Variants in ITFG1 observed in about 807,000 individuals in gnomAD.
The protein encoded by ITFG1 is T-cell immunomodulatory protein.
ITFG1 carries 34 observed loss-of-function variants against 81.8 expected under a neutral mutation model. The observed-to-expected ratio is 0.42, with a 90% CI of 0.32 to 0.55. ITFG1 has a LOEUF of 0.55. Ranked by LOEUF, ITFG1 falls within the 20% of genes least tolerant of loss-of-function variation. The pLI is 0.17. For synonymous variants in ITFG1, 285 were observed against 270.6 expected (o/e 1.05, Z -0.52); for missense variants, 672 against 755.4 (o/e 0.89, Z 1.29).
At chr16:47,367,158 A>G (rs1452903894) in intron 7 of ITFG1, among the ~76,000 whole-genome samples, 2 of 152,222 alleles carry the variant, frequency 1.3e-5, no homozygotes, top group Non-Finnish European at 2.9e-5. Flanking sequence ...AAGGATACAG[A>G]TGAAGAGATG....
intron 7 of ITFG1, 44 bp from the exon 8 acceptor site, chr16:47,365,913 T>C: frequency 9.8e-7 from 1 of 1,021,848 alleles, no homozygotes; most frequent in Non-Finnish European, 1.5e-6. Context: ...CTTAATCCAC[T>C]CATTTGTTAA....
At chr16:47,287,045 A>G (rs1208169781) in intron 10 of ITFG1, among the ~76,000 whole-genome samples, 2 of 152,218 alleles carry the variant, frequency 1.3e-5, no homozygotes, top group African/African-American at 2.4e-5. Flanking sequence ...AGCAAGACCT[A>G]CATCAATTGC....
chr16:47,281,499 T>C (rs1236799121), intron 10 of ITFG1, among the ~76,000 whole-genome samples: 1 of 152,190 alleles, frequency 6.6e-6, no homozygotes, highest in East Asian at 1.9e-4. Flanking sequence ...AGTGAAACTA[T>C]CTGGGCCTGG....
chr16:47,300,270 G>A (rs1967055215), intron 10 of ITFG1, among the ~76,000 whole-genome samples: 1 of 152,118 alleles, frequency 6.6e-6, no homozygotes, highest in Non-Finnish European at 1.5e-5. Context: ...ACTTCCTCAT[G>A]TTCCTTCTTG....
intron 10 of ITFG1, among the ~76,000 whole-genome samples, chr16:47,272,823 A>G (rs893593498): frequency 6.6e-6 from 1 of 151,554 alleles, no homozygotes; most frequent in African/African-American, 2.4e-5. Context: ...TATTTAAAAA[A>G]CCCATGGTAA....
chr16:47,227,432 T>G (rs1965769899), intron 13 of ITFG1, among the ~76,000 whole-genome samples: 1 of 152,162 alleles, frequency 6.6e-6, no homozygotes, highest in South Asian at 2.1e-4. Flanking sequence ...GTTCAATTTT[T>G]CATACTATCA....
intron 5 of ITFG1, among the ~76,000 whole-genome samples, chr16:47,434,223 A>G (rs1969133688): frequency 2.0e-5 from 3 of 152,040 alleles, no homozygotes; most frequent in African/African-American, 4.8e-5. Flanking sequence ...TAATTAAACT[A>G]AAGAGTTTCT....
At chr16:47,279,939 G>C (rs1234194500) in intron 10 of ITFG1, among the ~76,000 whole-genome samples, 1 of 152,086 alleles carries the variant, frequency 6.6e-6, no homozygotes, top group African/African-American at 2.4e-5. Context: ...ATAGAAATAA[G>C]AGTGATTCTT....
intron 12 of ITFG1, among the ~76,000 whole-genome samples, chr16:47,244,834 C>T (rs1311544741): frequency 6.6e-6 from 1 of 152,034 alleles, no homozygotes; most frequent in Non-Finnish European, 1.5e-5. Context: ...CTTCTCTCTA[C>T]ATGCACATGA....
At chr16:47,156,779 C>T (rs753878457) in intron 17 of ITFG1, among the ~76,000 whole-genome samples, 13 of 151,996 alleles carry the variant, frequency 8.6e-5, no homozygotes, top group Non-Finnish European at 1.3e-4. Flanking sequence ...GGAAGGAGCA[C>T]GGATATGTGA....
intron 12 of ITFG1, among the ~76,000 whole-genome samples, chr16:47,240,820 G>A (rs1965924423): frequency 6.6e-6 from 1 of 152,132 alleles, no homozygotes; most frequent in Non-Finnish European, 1.5e-5. Context: ...CATTTAATGA[G>A]TTATCTAAAG....
chr16:47,180,832 G>T (rs1965100400), intron 14 of ITFG1, among the ~76,000 whole-genome samples: 1 of 151,772 alleles, frequency 6.6e-6, no homozygotes, highest in Non-Finnish European at 1.5e-5. Flanking sequence ...GAGCGTCTCT[G>T]CCTGGCCGCC....
intron 10 of ITFG1, among the ~76,000 whole-genome samples, chr16:47,279,099 C>G (rs530549561): frequency 6.6e-6 from 1 of 152,100 alleles, no homozygotes; most frequent in Non-Finnish European, 1.5e-5. Context: ...TTTTCATCCT[C>G]TTTGCAATGT....
At chr16:47,234,837 C>T (rs1433709737) in intron 13 of ITFG1, among the ~76,000 whole-genome samples, 2 of 152,124 alleles carry the variant, frequency 1.3e-5, no homozygotes, top group Non-Finnish European at 2.9e-5. Context: ...TGGGAGGGAC[C>T]TGGTGGAAGG....
intron 14 of ITFG1, among the ~76,000 whole-genome samples, chr16:47,197,660 T>G (rs892849416): frequency 6.6e-6 from 1 of 152,232 alleles, no homozygotes; most frequent in Non-Finnish European, 1.5e-5. Context: ...TTTGGCTTTT[T>G]CATCAACAGT....
chr16:47,237,388 C>T (rs1479366602), intron 13 of ITFG1, among the ~76,000 whole-genome samples: 1 of 152,156 alleles, frequency 6.6e-6, no homozygotes, highest in Non-Finnish European at 1.5e-5. Context: ...AGGATTACTA[C>T]AAAGACCCCA....
chr16:47,339,685 A>G (rs1967755511), intron 8 of ITFG1, among the ~76,000 whole-genome samples: 1 of 152,190 alleles, frequency 6.6e-6, no homozygotes, highest in Admixed American at 6.5e-5. Context: ...AGCACAAAGA[A>G]AAAACGATGA....
At chr16:47,362,605 A>G (rs1281794785) in intron 8 of ITFG1, among the ~76,000 whole-genome samples, 1 of 152,214 alleles carries the variant, frequency 6.6e-6, no homozygotes, top group Non-Finnish European at 1.5e-5. Flanking sequence ...TTTATTCACT[A>G]GTCACTAACC....
chr16:47,333,584 C>A (rs1387900376), intron 8 of ITFG1, among the ~76,000 whole-genome samples: 1 of 152,076 alleles, frequency 6.6e-6, no homozygotes, highest in Non-Finnish European at 1.5e-5. Context: ...AGTATATAAG[C>A]ACTGTATTAA....
Sources: gnomAD v4.1 joint callset for allele counts (sites outside exome capture counted in the v4.1 genomes callset) on GRCh38, gnomAD v4.1.1 for gene constraint, MANE v1.5 for transcripts, NCBI Gene and HGNC (gene_info 2026-07-23, HGNC 2026-07-21) for gene names.